The following HOTAIR variants were observed in gnomAD, a reference collection of about 807,000 sequenced individuals.
HOTAIR encodes HOX transcript antisense RNA (non-protein coding).
intron 1 of HOTAIR, among the ~76,000 whole-genome samples, chr12:53,972,428 G>A (rs1466286371): frequency 3.9e-5 from 6 of 152,232 alleles, no homozygotes; most frequent in Admixed American, 3.9e-4. Flanking sequence ...CTGGGCGGCT[G>A]GCGCACTGCT....
chr12:53,971,667 C>T (rs559896838), intron 1 of HOTAIR, among the ~76,000 whole-genome samples: 3 of 152,250 alleles, frequency 2.0e-5, no homozygotes, highest in Non-Finnish European at 4.4e-5. Flanking sequence ...TCTTCCCCTC[C>T]TTCCCAAACA....
chr12:53,962,569 T>C (rs532504818), exon 7 of HOTAIR: 1 of 152,374 alleles, frequency 6.6e-6, no homozygotes, highest in Non-Finnish European at 1.5e-5. Context: ...TGTGTTTATA[T>C]ACATACTGTG....
rs143389601 is a variant in HOTAIR at position 53,971,258 on chromosome 12, A to T, written n.60-2502T>A. Among the ~76,000 whole-genome samples the T allele has an allele frequency of 3.3e-4, 51 of 152,296 alleles. No homozygotes were observed. The East Asian group carries it at 9.3e-3, about 28-fold the overall frequency. On this transcript the variant is annotated intron_variant and non_coding_transcript_variant, in intron 1 of 6. Coordinates refer to ENST00000424518, the Ensembl canonical transcript of HOTAIR. The stretch of plus-strand genomic sequence containing the variant: ...TAGTTCTTCTTTGCTTCAGTTTAAG[A>T]TCTGACCAGAACTAAAGGAGTAGCG...
At chr12:53,965,733 G>C (rs1215438622) in intron 5 of HOTAIR, among the ~76,000 whole-genome samples, 3 of 151,412 alleles carry the variant, frequency 2.0e-5, no homozygotes, top group Non-Finnish European at 4.4e-5. Flanking sequence ...AGAACAGCAG[G>C]AGAAAAAGAA....
In HOTAIR at chr12:53,973,152, G is replaced by A. The variant is rs1939177197; in HGVS notation, n.59+1746C>T. On this transcript the variant is annotated intron_variant and non_coding_transcript_variant, in intron 1 of 6. Coordinates refer to ENST00000424518, the Ensembl canonical transcript of HOTAIR. The surrounding 1 kb of genome is among the most constrained non-coding windows in gnomAD (Gnocchi z 4.3). ...TGCTCAGAGAGAGAGAGACTAAGAC[G>A]GATAACGCGTCATCTCGCCTTCCCA... 1 of 947,014 alleles carries A rather than the reference G, an allele frequency of 1.1e-6. No homozygotes were observed. The highest frequency in any genetic ancestry group is 1.6e-6 in the Non-Finnish European group (1 of 638,312). The allele number at this position is 947,014 out of a possible 1,614,324, so 58.7% of individuals were successfully genotyped here. A position where few individuals can be genotyped will look rare whatever the true frequency, so the allele number is the denominator to read the frequency against.
intron 5 of HOTAIR, among the ~76,000 whole-genome samples, chr12:53,965,084 G>C (rs190139047): frequency 2.3e-4 from 35 of 152,320 alleles, no homozygotes; most frequent in African/African-American, 8.4e-4. Flanking sequence ...AAGGTGGAGA[G>C]GCCCTTATAG....
At chr12:53,970,196 A>G (rs1939125491) in intron 1 of HOTAIR, among the ~76,000 whole-genome samples, 1 of 152,264 alleles carries the variant, frequency 6.6e-6, no homozygotes, top group Non-Finnish European at 1.5e-5. Flanking sequence ...GGTGAAGGCC[A>G]GGACTCAAAG....
intron 6 of HOTAIR, chr12:53,964,226 C>G (rs1273883923): frequency 6.7e-6 from 1 of 150,190 alleles, no homozygotes; most frequent in Non-Finnish European, 1.5e-5. Context: ...AAAAAAACAA[C>G]AAACCTTGGG....
intron 1 of HOTAIR, among the ~76,000 whole-genome samples, chr12:53,971,294 A>G (rs898849155): frequency 1.2e-4 from 18 of 152,174 alleles, no homozygotes; most frequent in African/African-American, 3.9e-4. Context: ...CCCAGCATTG[A>G]GTGCGTAGAG....
exon 4 of HOTAIR, chr12:53,966,276 CT>C (rs1166375692): frequency 1.3e-5 from 2 of 152,088 alleles, no homozygotes; most frequent in Admixed American, 1.3e-4. Flanking sequence ...TCTTCTGTAC[CT>C]CTCGCCGCCG....
chr12:53,974,411 C>G (rs1364463681), intron 1 of HOTAIR, among the ~76,000 whole-genome samples: 1 of 151,984 alleles, frequency 6.6e-6, no homozygotes, highest in Non-Finnish European at 1.5e-5. Flanking sequence ...TGGAGCAGAA[C>G]CTGAGACCGG....
chr12:53,964,266 C>G (rs1267470164), exon 6 of HOTAIR: 1 of 136,126 alleles, frequency 7.3e-6, no homozygotes, highest in African/African-American at 2.9e-5. Flanking sequence ...TGCAGCACTT[C>G]TCTCGCCAAT....
intron 1 of HOTAIR, among the ~76,000 whole-genome samples, chr12:53,969,109 G>A (rs1414070760): frequency 6.6e-6 from 1 of 152,204 alleles, no homozygotes; most frequent in Non-Finnish European, 1.5e-5. Context: ...GGGAGATCTG[G>A]GTGGCCCAAC....
At chr12:53,964,036 G>A (rs949567501) in exon 7 of HOTAIR, 1 of 152,156 alleles carries the variant, frequency 6.6e-6, no homozygotes, top group Non-Finnish European at 1.5e-5. Flanking sequence ...TTTCACCTTC[G>A]TCTGGCGCTC....
At position 53,973,906 on chromosome 12, in the gene HOTAIR, C is replaced by A; in HGVS notation, n.59+992G>T. The A allele has an allele frequency of 4.8e-6, 7 of 1,444,356 alleles. No homozygotes were observed. The highest frequency in any genetic ancestry group is 5.5e-6 in the Non-Finnish European group (6 of 1,096,984). 89.5% of individuals were successfully genotyped at this position (1,444,356 alleles called of 1,614,324 possible). On this transcript the variant is annotated intron_variant and non_coding_transcript_variant, in intron 1 of 6. Coordinates refer to ENST00000424518, the Ensembl canonical transcript of HOTAIR. This position sits in a 1 kb window ranked among gnomAD's most constrained non-coding sequence, Gnocchi z 4.3. ...GCCCACTCCGTGGCCAAGGAGCCGG[C>A]CAAAGGAGCCGCCCCCAGTAGGTAG...
intron 1 of HOTAIR, chr12:53,974,888 G>A (rs1404170388): frequency 6.0e-6 from 2 of 330,640 alleles, no homozygotes; most frequent in Non-Finnish European, 1.1e-5. Context: ...CCGAGGGGAC[G>A]CACGTGTACC....
At chr12:53,969,069 G>C (rs776422714) in intron 1 of HOTAIR, among the ~76,000 whole-genome samples, 40 of 152,336 alleles carry the variant, frequency 2.6e-4, no homozygotes, top group Non-Finnish European at 5.3e-4. Context: ...TCAGGGCTCC[G>C]GCCAACCCGC....
At chr12:53,974,623 G>C (rs2136376782) in intron 1 of HOTAIR, among the ~76,000 whole-genome samples, 1 of 152,022 alleles carries the variant, frequency 6.6e-6, no homozygotes, top group African/African-American at 2.4e-5. Context: ...CTTAGTGCTT[G>C]CCTAGAACTG....
At chr12:53,974,687 C>T (rs868491487) in intron 1 of HOTAIR, among the ~76,000 whole-genome samples, 8 of 151,600 alleles carry the variant, frequency 5.3e-5, no homozygotes, top group South Asian at 2.1e-4. Context: ...GCCCCGGAAG[C>T]GGCTCTCTGG....
Sources: allele counts gnomAD v4.1 joint callset (sites outside exome capture counted in the v4.1 genomes callset), GRCh38; gene constraint gnomAD v4.1.1; non-coding constraint Gnocchi (gnomAD v3.1); transcripts MANE v1.5; gene names NCBI Gene and HGNC (gene_info 2026-07-23, HGNC 2026-07-21).